Variants in SNX7 observed in about 807,000 individuals in gnomAD.
SNX7 encodes the protein sorting nexin-7.
Under a neutral mutation model 48.4 loss-of-function variants are expected in SNX7, and 35 were observed. The observed-to-expected ratio is 0.72, with a 90% confidence interval of 0.55 to 0.96. The LOEUF (loss-of-function observed/expected upper bound fraction) is 0.96, where lower values mean the gene tolerates loss of function less well. SNX7 is among the 40% of genes least tolerant of loss of function. The pLI is 0.00. For synonymous variants in SNX7, 190 were observed against 190.2 expected (o/e 1.00, Z 0.01); for missense variants, 553 against 548.9 (o/e 1.01, Z -0.07).
intron 5 of SNX7, among the ~76,000 whole-genome samples, chr1:98,696,507 C>T (rs1328637973): frequency 6.6e-6 from 1 of 151,540 alleles, no homozygotes; most frequent in Non-Finnish European, 1.5e-5. Context: ...TGAAAAAAAA[C>T]CACGAATGAA....
chr1:98,702,650 GGTAGA>G (rs1293357069), intron 7 of SNX7, among the ~76,000 whole-genome samples: 1 of 152,022 alleles, frequency 6.6e-6, no homozygotes, highest in East Asian at 1.9e-4. Flanking sequence ...ACTCTTGAAA[GGTAGA>G]GTAATTTGCC....
At chr1:98,738,023 CCAA>C (rs1653878817) in intron 7 of SNX7, among the ~76,000 whole-genome samples, 1 of 152,098 alleles carries the variant, frequency 6.6e-6, no homozygotes. Flanking sequence ...TAATTGGTGG[CCAA>C]CCATAGAACT....
rs549243619 is a variant in SNX7 at position 98,684,665 on chromosome 1, G to A, written c.181-220G>A. 5.9e-5 allele frequency among the ~76,000 whole-genome samples: 9 copies of A among 152,182 alleles called. No individual in the cohort carries two copies. In the South Asian group the frequency reaches 1.9e-3, roughly 32 times the overall value. Reference sequence around the variant, plus strand: ...ATTCAAACCATAGCAATCCTTGAGGGTTTATACTTTTCATTTGTTTGTTTC... The same window carrying A: ...ATTCAAACCATAGCAATCCTTGAGGATTTATACTTTTCATTTGTTTGTTTC... On this transcript the variant is annotated intron_variant, in intron 1 of 8. Transcript: ENST00000306121.
intron 7 of SNX7, among the ~76,000 whole-genome samples, chr1:98,710,101 T>C (rs1227910279): frequency 3.3e-5 from 5 of 152,198 alleles, no homozygotes; most frequent in South Asian, 4.1e-4. Context: ...ATGTCTGTTA[T>C]GAACACAAAC....
intron 7 of SNX7, among the ~76,000 whole-genome samples, chr1:98,707,108 A>G (rs542939227): frequency 1.3e-5 from 2 of 152,192 alleles, no homozygotes; most frequent in Non-Finnish European, 2.9e-5. Flanking sequence ...GAGCCTTGGC[A>G]TATTTCAACA....
At position 98,730,384 on chromosome 1, in the gene SNX7, G is replaced by A. The variant is rs190390390; in HGVS notation, c.1126-7853G>A. Reference sequence around the variant, plus strand: ...TGCTGTCTGTCACCACTCCTATTCAGCTTACTATTGGAAGTTCTGGCCGGG... The same window carrying A: ...TGCTGTCTGTCACCACTCCTATTCAACTTACTATTGGAAGTTCTGGCCGGG... On this transcript the variant is annotated intron_variant, in intron 7 of 8. Coordinates refer to ENST00000306121, the MANE Select transcript of SNX7 (RefSeq NM_015976.5). 3.9e-3 allele frequency among the ~76,000 whole-genome samples: 590 copies of A among 152,078 alleles called. 1 individual carries two copies. Among genetic ancestry groups the A allele is most frequent in the Non-Finnish European group, 6.5e-3 (439 of 67,980 alleles).
chr1:98,737,728 G>C (rs1304689190), intron 7 of SNX7, among the ~76,000 whole-genome samples: 1 of 152,076 alleles, frequency 6.6e-6, no homozygotes, highest in African/African-American at 2.4e-5. Context: ...AGAGTTTGCA[G>C]GTTAATCCCC....
intron 7 of SNX7, among the ~76,000 whole-genome samples, chr1:98,731,229 A>G (rs1031969418): frequency 6.6e-6 from 1 of 151,306 alleles, no homozygotes; most frequent in Non-Finnish European, 1.5e-5. Context: ...AAAATTTTTT[A>G]AAAAGTATAA....
chr1:98,720,336 A>G (rs1005092567), intron 7 of SNX7, among the ~76,000 whole-genome samples: 2 of 152,096 alleles, frequency 1.3e-5, no homozygotes, highest in Non-Finnish European at 2.9e-5. Flanking sequence ...GTAGACTACT[A>G]TGTATATCTA....
intron 1 of SNX7, chr1:98,662,412 C>T (rs1433071701): frequency 1.6e-5 from 4 of 253,502 alleles, no homozygotes; most frequent in Admixed American, 9.8e-5. Context: ...GGAATAGGTT[C>T]TAGGAAATCT....
At chr1:98,694,028 A>G (rs150771326) in intron 4 of SNX7, among the ~76,000 whole-genome samples, 2,006 of 152,292 alleles carry the variant, frequency 0.013, 24 homozygotes, top group Non-Finnish European at 0.021. Context: ...GCAAGTCTAT[A>G]GTCGTCCCTC....
chr1:98,717,622 A>G (rs1652659296), intron 7 of SNX7, among the ~76,000 whole-genome samples: 1 of 152,146 alleles, frequency 6.6e-6, no homozygotes, highest in African/African-American at 2.4e-5. Context: ...CCAGAACATC[A>G]TTGGTGACTT....
chr1:98,726,626 T>C (rs1653185537), intron 7 of SNX7, among the ~76,000 whole-genome samples: 1 of 151,686 alleles, frequency 6.6e-6, no homozygotes, highest in South Asian at 2.1e-4. Flanking sequence ...GGAATATCCA[T>C]TGAATATGGA....
intron 8 of SNX7, among the ~76,000 whole-genome samples, chr1:98,741,299 G>T (rs531381773): frequency 3.9e-5 from 6 of 152,212 alleles, no homozygotes; most frequent in African/African-American, 1.4e-4. Context: ...CAAAATGGCA[G>T]AGGGAAATTA....
intron 8 of SNX7, among the ~76,000 whole-genome samples, chr1:98,755,313 T>C (rs1237876646): frequency 6.6e-6 from 1 of 152,112 alleles, no homozygotes. Flanking sequence ...CAAACTTGAT[T>C]GATAGTGTGG....
chr1:98,697,840 T>G (rs1251179562), intron 5 of SNX7, among the ~76,000 whole-genome samples: 2 of 152,066 alleles, frequency 1.3e-5, no homozygotes, highest in East Asian at 3.9e-4. Flanking sequence ...TCAGAGGAGA[T>G]TTATTTGAAC....
At chr1:98,696,509 A>G (rs965207247) in intron 5 of SNX7, among the ~76,000 whole-genome samples, 1 of 152,090 alleles carries the variant, frequency 6.6e-6, no homozygotes, top group African/African-American at 2.4e-5. Flanking sequence ...AAAAAAAACC[A>G]CGAATGAACA....
At chr1:98,752,132 T>A (rs1034248052) in intron 8 of SNX7, among the ~76,000 whole-genome samples, 1 of 152,138 alleles carries the variant, frequency 6.6e-6, no homozygotes, top group Non-Finnish European at 1.5e-5. Context: ...GTTTTGAGAT[T>A]TTTTTGGTTG....
chr1:98,730,963 G>T (rs538842163), intron 7 of SNX7, among the ~76,000 whole-genome samples: 1 of 152,066 alleles, frequency 6.6e-6, no homozygotes, highest in Admixed American at 6.6e-5. Flanking sequence ...GTGAGAACAC[G>T]TGGACACAGG....
Sources: allele counts gnomAD v4.1 joint callset (sites outside exome capture counted in the v4.1 genomes callset), GRCh38; gene constraint gnomAD v4.1.1; transcripts MANE v1.5; gene names NCBI Gene and HGNC (gene_info 2026-07-23, HGNC 2026-07-21).